MAML2: variants seen among roughly 807,000 people sequenced by gnomAD.
MAML2 encodes the protein mastermind like transcriptional coactivator 2, also known as mastermind-like protein 2.
In MAML2, 22 loss-of-function variants were observed where a neutral mutation model predicts 96.1. The ratio of observed to expected loss-of-function variants is 0.23; its 90% CI spans 0.16 to 0.33. The LOEUF is 0.33. Ranked by LOEUF, MAML2 falls within the 10% of genes least tolerant of loss-of-function variation. The pLI, the probability that MAML2 is intolerant of heterozygous loss-of-function variation, is 1.00. For missense variants in MAML2, 1,367 were observed against 1,392.4 expected (o/e 0.98, Z 0.29); for synonymous variants, 561 against 521.3 (o/e 1.08, Z -1.04).
intron 1 of MAML2, among the ~76,000 whole-genome samples, chr11:96,154,456 G>C (rs989917760): frequency 6.6e-6 from 1 of 152,222 alleles, no homozygotes; most frequent in Non-Finnish European, 1.5e-5. Context: ...GTTGCCAGTT[G>C]CCTCTGCAGC....
At chr11:96,296,801 G>A (rs1863307075) in intron 1 of MAML2, among the ~76,000 whole-genome samples, 1 of 152,102 alleles carries the variant, frequency 6.6e-6, no homozygotes, top group African/African-American at 2.4e-5. Context: ...GAGTTCTTTG[G>A]GTTGGGGGCC....
intron 1 of MAML2, among the ~76,000 whole-genome samples, chr11:96,173,407 G>A (rs1861331468): frequency 2.6e-5 from 4 of 152,204 alleles, no homozygotes; most frequent in Admixed American, 2.6e-4. Flanking sequence ...GGCCTGGGAA[G>A]TCCTGGAGAT....
intron 1 of MAML2, among the ~76,000 whole-genome samples, chr11:96,329,603 G>T (rs1452603098): frequency 1.3e-5 from 2 of 152,170 alleles, no homozygotes; most frequent in Admixed American, 1.3e-4. Context: ...AAGAAGCAAA[G>T]TAAATACCAG....
chr11:95,992,087 T>G (rs1857923258), intron 2 of MAML2, among the ~76,000 whole-genome samples: 1 of 152,196 alleles, frequency 6.6e-6, no homozygotes, highest in South Asian at 2.1e-4. Context: ...TCCTTCCTTT[T>G]CCCAAAGTTA....
chr11:96,203,301 C>G (rs1233304732), intron 1 of MAML2, among the ~76,000 whole-genome samples: 1 of 152,174 alleles, frequency 6.6e-6, no homozygotes, highest in Non-Finnish European at 1.5e-5. Flanking sequence ...TTAACATTCT[C>G]TAAAGAACAG....
chr11:95,987,560 A>G (rs1465475874), intron 3 of MAML2, among the ~76,000 whole-genome samples: 1 of 152,212 alleles, frequency 6.6e-6, no homozygotes, highest in Non-Finnish European at 1.5e-5. Context: ...TTTGTAATAG[A>G]TACATGGGTA....
At chr11:96,122,832 G>A (rs1176631938) in intron 1 of MAML2, among the ~76,000 whole-genome samples, 1 of 152,194 alleles carries the variant, frequency 6.6e-6, no homozygotes, top group Non-Finnish European at 1.5e-5. Flanking sequence ...GGCCAGGGCA[G>A]AGGAAATACA....
At chr11:96,268,778 T>C in intron 1 of MAML2, among the ~76,000 whole-genome samples, 3 of 146,302 alleles carry the variant, frequency 2.1e-5, no homozygotes, top group African/African-American at 5.2e-5. Context: ...ACACGATCTG[T>C]TGTCTGCCGC....
chr11:96,295,378 G>A (rs1863278888), intron 1 of MAML2, among the ~76,000 whole-genome samples: 1 of 152,104 alleles, frequency 6.6e-6, no homozygotes, highest in Admixed American at 6.5e-5. Context: ...TGTAAGCCCA[G>A]ATTCACACCA....
rs1313089332 is a variant in MAML2 at position 95,978,937 on chromosome 11, C to T, written c.*11G>A. ...GTGCTTGGAGTTTGTAAATTGTCTTCCCTTTCTTCTTTAGGAATTGTTCCC... is the reference window on the plus strand; with the variant it reads ...GTGCTTGGAGTTTGTAAATTGTCTTTCCTTTCTTCTTTAGGAATTGTTCCC... On this transcript the variant is annotated 3_prime_UTR_variant, in exon 5 of 5. Transcript: ENST00000524717. The T allele has an allele frequency of 6.3e-7, 1 of 1,593,296 alleles. No individual in the cohort carries two copies. Among genetic ancestry groups the T allele is most frequent in the Admixed American group, 1.7e-5 (1 of 57,212 alleles).
At chr11:96,323,483 GAA>G (rs57745850) in intron 1 of MAML2, among the ~76,000 whole-genome samples, 10 of 144,698 alleles carry the variant, frequency 6.9e-5, no homozygotes, top group South Asian at 2.2e-4. Context: ...ACAAAATGCT[GAA>G]AAAAAAAAAA....
At chr11:96,127,177 G>A (rs1413816429) in intron 1 of MAML2, among the ~76,000 whole-genome samples, 7 of 150,936 alleles carry the variant, frequency 4.6e-5, no homozygotes, top group Non-Finnish European at 8.9e-5. Flanking sequence ...CTGGATGGGT[G>A]ATTTGTTGAA....
rs555910292 is a variant in MAML2 at position 96,272,435 on chromosome 11, C to T, written c.513+68948G>A. Among the ~76,000 whole-genome samples, 11 of 152,290 alleles carry T rather than the reference C, an allele frequency of 7.2e-5. No homozygotes were observed. In the South Asian group the frequency reaches 2.3e-3, roughly 32 times the overall value. ...CCTTATCAGGGTCAAATTTTTCAGA[C>T]ATTTTTCACATAAATGGTCAACTGC... On this transcript the variant is annotated intron_variant, in intron 1 of 4. Transcript: ENST00000524717.
Position 96,047,930 on chromosome 11 carries a change from A to AAAAAAAAAAG in MAML2, c.2139+43961_2139+43962insCTTTTTTTTT, listed in dbSNP as rs1555001442. On this transcript the variant is annotated intron_variant, in intron 2 of 4. Transcript: ENST00000524717. ...TGCCTCAAAAAAAAAAAAAAAAAAAAAAAAGAAAAAAGAGAGAGAGAAAGA... is the reference window on the plus strand; with the variant it reads ...TGCCTCAAAAAAAAAAAAAAAAAAAAAAAAAAAAAGAAAAGAAAAAAGAGAGAGAGAAAGA... 7.4e-3 allele frequency among the ~76,000 whole-genome samples: 941 copies of AAAAAAAAAAG among 126,688 alleles called. 1 individual carries two copies. The highest frequency in any genetic ancestry group is 0.012 in the Non-Finnish European group (713 of 60,986). The allele number at this position is 126,688 out of a possible 152,430, so 83.1% of individuals were successfully genotyped here.
chr11:96,121,089 G>GC (rs966167285), intron 1 of MAML2, among the ~76,000 whole-genome samples: 4 of 151,476 alleles, frequency 2.6e-5, no homozygotes, highest in Admixed American at 2.0e-4. Context: ...AGTCAGGGGG[G>GC]AGTGAAGGAT....
intron 1 of MAML2, among the ~76,000 whole-genome samples, chr11:96,308,913 T>C (rs766989192): frequency 3.9e-5 from 6 of 152,226 alleles, no homozygotes; most frequent in Non-Finnish European, 7.3e-5. Context: ...CAGTGAACCA[T>C]ACATGTGCTA....
At chr11:96,175,334 G>A (rs925726088) in intron 1 of MAML2, among the ~76,000 whole-genome samples, 1 of 152,174 alleles carries the variant, frequency 6.6e-6, no homozygotes, top group African/African-American at 2.4e-5. Context: ...TCAAATGCAA[G>A]CCAACAAAAA....
At chr11:96,043,229 C>T (rs551173318) in intron 2 of MAML2, among the ~76,000 whole-genome samples, 1 of 152,308 alleles carries the variant, frequency 6.6e-6, no homozygotes, top group Admixed American at 6.5e-5. Flanking sequence ...AAAGATCAGA[C>T]ACATTAGCTA....
intron 2 of MAML2, among the ~76,000 whole-genome samples, chr11:96,006,071 A>T (rs1008765620): frequency 6.6e-6 from 1 of 152,184 alleles, no homozygotes; most frequent in African/African-American, 2.4e-5. Flanking sequence ...TGAATGTACT[A>T]TTATAATGGA....
Sources: gnomAD v4.1 joint callset for allele counts (sites outside exome capture counted in the v4.1 genomes callset) on GRCh38, gnomAD v4.1.1 for gene constraint, MANE v1.5 for transcripts, NCBI Gene and HGNC (gene_info 2026-07-23, HGNC 2026-07-21) for gene names.